The following CD2BP2 variants were observed in gnomAD, a reference collection of about 807,000 sequenced individuals.
The protein encoded by CD2BP2 is CD2 antigen cytoplasmic tail-binding protein 2.
Under a neutral mutation model 35.9 loss-of-function variants are expected in CD2BP2, and 27 were observed. The observed-to-expected ratio is 0.75, with a 90% CI of 0.55 to 1.04. The LOEUF (loss-of-function observed/expected upper bound fraction) is 1.04. Ranked by LOEUF, CD2BP2 falls within the 50% of genes least tolerant of loss-of-function variation. The pLI is 0.00. For synonymous variants in CD2BP2, 213 were observed against 173.5 expected (o/e 1.23, Z -1.79); for missense variants, 497 against 444.3 (o/e 1.12, Z -1.07).
chr16:30,353,243 A>G lies in CD2BP2; in HGVS notation c.853T>C (p.Tyr285His). 6.2e-7 allele frequency: 1 copy of G among 1,614,122 alleles called. No homozygotes were observed. Among genetic ancestry groups the G allele is most frequent in the Non-Finnish European group, 8.5e-7 (1 of 1,180,008 alleles). ...GDGLVDVMWE[Y>H]KWENTGDAEL... ...GCATCCCCCGTGTTCTCCCACTTAT[A>G]TTCCCACATCACATCCACCAGACCA... Residue 285 changes from tyrosine to histidine, a missense_variant, in exon 6 of 7, where the codon TAT becomes CAT. Physicochemically the swap from Tyr to His is moderately conservative, Grantham distance 83. Coordinates refer to ENST00000305596, the MANE Select transcript of CD2BP2 (RefSeq NM_006110.3).
intron 1 of CD2BP2, 32 bp from the exon 2 acceptor site, chr16:30,354,739 G>A: frequency 2.1e-6 from 3 of 1,452,694 alleles, no homozygotes; most frequent in Non-Finnish European, 2.9e-6. Flanking sequence ...AGGGAACCGG[G>A]TGAGGAGGGG....
Position 30,354,721 on chromosome 16 carries a change from G to T in CD2BP2, c.-26-14C>A. The stretch of plus-strand genomic sequence containing the variant: ...GTGTTTCTCAAGCTGAGGAAAGGAT[G>T]CAGAGGAAGGGAACCGGGTGAGGAG... On this transcript the variant is annotated splice_polypyrimidine_tract_variant and intron_variant, in intron 1 of 6. Transcript: ENST00000305596. 1 of 1,576,010 alleles carries T rather than the reference G, an allele frequency of 6.3e-7. No individual in the cohort carries two copies.
rs1008992043 is a variant in CD2BP2, at chr16:30,352,085, G to C, written c.*900C>G. 6.6e-6 allele frequency: 1 copy of C among 152,528 alleles called. No individual in the cohort carries two copies. The highest frequency in any genetic ancestry group is 6.5e-5 in the Admixed American group (1 of 15,286). 9.4% of individuals were successfully genotyped at this position (152,528 alleles called of 1,614,324 possible). A position where few individuals can be genotyped will look rare whatever the true frequency, so the allele number is the denominator to read the frequency against. On this transcript the variant is annotated 3_prime_UTR_variant, in exon 7 of 7. Transcript: ENST00000305596. ...GCCACCAGACTCTGAATTCCTGGAA[G>C]GGGACCAACCCAGCTACCTCAGTTT...
chr16:30,354,733 A>T (rs1362744861), intron 1 of CD2BP2, 26 bp from the exon 2 acceptor site: 2 of 1,539,038 alleles, frequency 1.3e-6, no homozygotes, highest in South Asian at 1.1e-5. Context: ...AGAGGAAGGG[A>T]ACCGGGTGAG....
intron 1 of CD2BP2, 196 bp from the exon 2 acceptor site, chr16:30,354,903 G>A (rs1429031799): frequency 1.8e-6 from 1 of 564,128 alleles, no homozygotes; most frequent in Admixed American, 3.0e-5. Flanking sequence ...TAAACGGGGC[G>A]GGGACGGAGG....
Position 30,353,382 on chromosome 16 carries a change from G to T in CD2BP2, c.794C>A (p.Pro265His). The T allele has an allele frequency of 6.2e-7, 1 of 1,613,986 alleles. No homozygotes were observed. Among genetic ancestry groups the T allele is most frequent in the African/African-American group, 1.3e-5 (1 of 75,032 alleles). ...LAEEELETPTPTQRGEAESRG... is the reference protein window; with the variant it reads ...LAEEELETPTHTQRGEAESRG... Reference sequence around the variant, plus strand: ...TCCAAGCTCACCTCCTCTCTGGGTAGGGGTTGGGGTCTCCAGTTCCTCCTC... The same window carrying T: ...TCCAAGCTCACCTCCTCTCTGGGTATGGGTTGGGGTCTCCAGTTCCTCCTC... Residue 265 changes from proline (P) to histidine (H), a missense_variant, in exon 5 of 7, where the codon CCT becomes CAT. Coordinates refer to ENST00000305596, the MANE Select transcript of CD2BP2 (RefSeq NM_006110.3).
intron 5 of CD2BP2, 31 bp from the exon 6 acceptor site, chr16:30,353,318 C>T: frequency 6.2e-7 from 1 of 1,613,580 alleles, no homozygotes; most frequent in South Asian, 1.1e-5. Flanking sequence ...ATTTGGCCTC[C>T]AGTGTCTCAC....
rs1019638914 is a variant in CD2BP2, at chr16:30,351,812, C to G, written c.*1173G>C. On this transcript the variant is annotated 3_prime_UTR_variant, in exon 7 of 7. Transcript: ENST00000305596. ...CAGGGGCTCTCTCTCGGCCTGGCTG[C>G]AAGCTGAAAACACCTGGGGGCTTCC... The G allele has an allele frequency of 1.3e-5, 2 of 152,636 alleles. No individual in the cohort carries two copies. Among genetic ancestry groups the G allele is most frequent in the Admixed American group, 1.3e-4 (2 of 15,270 alleles). The allele number at this position is 152,636 out of a possible 1,614,324, so 9.5% of individuals were successfully genotyped here.
At chr16:30,354,962 A>G in intron 1 of CD2BP2, 1 of 404,160 alleles carries the variant, frequency 2.5e-6, no homozygotes, top group Non-Finnish European at 4.5e-6. Flanking sequence ...GACAGGCTTC[A>G]CCACGTGACC....
At position 30,354,314 on chromosome 16, in the gene CD2BP2, G is replaced by A; in HGVS notation, c.87C>T (p.Asp29=). ...EIIVPKKKLV[D]PVAGSGGPGS... is the part of the protein sequence containing the mutation. ...CAGGACCCCCTGACCCAGCCACAGG[G>A]TCCACCAGCTGTGAGCAGGAGCCAG... is the stretch of plus-strand genomic sequence containing the variant. The change falls in exon 3 of 7, where the codon GAC becomes GAT. Residue 29 remains aspartate, a synonymous_variant. Transcript: ENST00000305596. 6.2e-7 allele frequency: 1 copy of A among 1,613,208 alleles called. No individual in the cohort carries two copies. The highest frequency in any genetic ancestry group is 8.5e-7 in the Non-Finnish European group (1 of 1,179,704).
intron 1 of CD2BP2, 153 bp from the exon 2 acceptor site, chr16:30,354,860 G>A: frequency 1.5e-6 from 1 of 651,684 alleles, no homozygotes; most frequent in Non-Finnish European, 2.8e-6. Context: ...GCAGCCAGGA[G>A]GCCTCCAGGA....
At position 30,352,922 on chromosome 16, in the gene CD2BP2, A is replaced by G; in HGVS notation, c.*63T>C. On this transcript the variant is annotated 3_prime_UTR_variant, in exon 7 of 7. Coordinates refer to ENST00000305596, the MANE Select transcript of CD2BP2 (RefSeq NM_006110.3). ...CTCCAATTTCCTCGCTGCCTGAGACACTTGGTGCCTCCTCCACAAAGTCCA... is the reference window on the plus strand; with the variant it reads ...CTCCAATTTCCTCGCTGCCTGAGACGCTTGGTGCCTCCTCCACAAAGTCCA... 9.6e-7 allele frequency: 1 copy of G among 1,039,470 alleles called. No homozygotes were observed. The highest frequency in any genetic ancestry group is 1.5e-6 in the Non-Finnish European group (1 of 661,020). 64.4% of individuals were successfully genotyped at this position (1,039,470 alleles called of 1,614,324 possible).
chr16:30,351,759 G>A lies in CD2BP2; in HGVS notation c.*1226C>T, dbSNP rs1453490750. 1 of 152,430 alleles carries A rather than the reference G, an allele frequency of 6.6e-6. No homozygotes were observed. The highest frequency in any genetic ancestry group is 2.4e-5 in the African/African-American group (1 of 41,436). 9.4% of individuals were successfully genotyped at this position (152,430 alleles called of 1,614,324 possible). A position where few individuals can be genotyped will look rare whatever the true frequency, so the allele number is the denominator to read the frequency against. ...GGTCCAGGAGCCACCCCTCCCGCTA[G>A]GTGTGCCTAAACCATGGGGATCTGA... On this transcript the variant is annotated 3_prime_UTR_variant, in exon 7 of 7. Transcript: ENST00000305596.
rs1242402949 is a variant in CD2BP2 at position 30,351,146 on chromosome 16, G to C, written c.*1839C>G. On this transcript the variant is annotated 3_prime_UTR_variant, in exon 7 of 7. Transcript: ENST00000305596. ...AAGGTAACACTTTCCCACGTCCTGG[G>C]GTTCCAAACCTGGACATCTCTGGGG... is the stretch of plus-strand genomic sequence containing the variant. 1.3e-5 allele frequency: 2 copies of C among 152,634 alleles called. No homozygotes were observed. Among genetic ancestry groups the C allele is most frequent in the Non-Finnish European group, 2.9e-5 (2 of 68,072 alleles). The allele number at this position is 152,634 out of a possible 1,614,324, so 9.5% of individuals were successfully genotyped here. A position where few individuals can be genotyped will look rare whatever the true frequency, so the allele number is the denominator to read the frequency against.
intron 2 of CD2BP2, 103 bp from the exon 3 acceptor site, chr16:30,354,425 G>C: frequency 1.4e-6 from 2 of 1,434,904 alleles, no homozygotes; most frequent in Non-Finnish European, 1.9e-6. Flanking sequence ...TCAGGATCTC[G>C]ACTACTTCCC....
At position 30,351,022 on chromosome 16, in the gene CD2BP2, C is replaced by T. The variant is rs1596974709; in HGVS notation, c.*1963G>A. 1 of 152,636 alleles carries T rather than the reference C, an allele frequency of 6.6e-6. No homozygotes were observed. Among genetic ancestry groups the T allele is most frequent in the East Asian group, 1.9e-4 (1 of 5,192 alleles). 9.5% of individuals were successfully genotyped at this position (152,636 alleles called of 1,614,324 possible). On this transcript the variant is annotated 3_prime_UTR_variant, in exon 7 of 7. Coordinates refer to ENST00000305596, the MANE Select transcript of CD2BP2 (RefSeq NM_006110.3). ...CGTGACTCCCCTTCCCTTATAAGGG[C>T]CCCCATGATTACTCAGGGCCCACCT... is the stretch of plus-strand genomic sequence containing the variant.
intron 1 of CD2BP2, chr16:30,355,006 A>C: frequency 1.4e-5 from 4 of 291,952 alleles, no homozygotes; most frequent in South Asian, 3.9e-5. Context: ...TCTGCGCGCC[A>C]CCGGCTCCAC....
Position 30,354,239 on chromosome 16 carries a change from A to ATCC in CD2BP2, c.159_161dup (p.Glu53dup), listed in dbSNP as rs759497665. 1 of 1,613,678 alleles carries ATCC rather than the reference A, an allele frequency of 6.2e-7. No individual in the cohort carries two copies. Among genetic ancestry groups the ATCC allele is most frequent in the African/African-American group, 1.3e-5 (1 of 74,774 alleles). ...ATTTGCTGGACCCCCCATCATCATC[A>ATCC]TCCTCCTCCTCATCGCTATCCAAAG... On this transcript the variant is annotated inframe_insertion, in exon 3 of 7. Transcript: ENST00000305596.
chr16:30,354,076 G>C lies in CD2BP2; in HGVS notation c.218-18C>G. 6.2e-7 allele frequency: 1 copy of C among 1,613,660 alleles called. No homozygotes were observed. The highest frequency in any genetic ancestry group is 8.5e-7 in the Non-Finnish European group (1 of 1,179,724). On this transcript the variant is annotated intron_variant, in intron 3 of 6. Transcript: ENST00000305596. ...CTCCTGACCTGCACCAAAGACACAG[G>C]TGCCCTTTTCCAGGCATGGAAAAAA...
Sources: gnomAD v4.1 joint callset for allele counts on GRCh38, gnomAD v4.1.1 for gene constraint, MANE v1.5 for transcripts, NCBI Gene and HGNC (gene_info 2026-07-23, HGNC 2026-07-21) for gene names.